CRIM1: variants seen among roughly 807,000 people sequenced by gnomAD.
The protein encoded by CRIM1 is cysteine rich transmembrane BMP regulator 1, also known as cysteine-rich motor neuron 1 protein.
In CRIM1, 32 loss-of-function variants were observed where a neutral mutation model predicts 116.4. The ratio of observed to expected loss-of-function variants is 0.27; its 90% CI spans 0.21 to 0.37. The LOEUF (loss-of-function observed/expected upper bound fraction) is 0.37. CRIM1 is among the 10% of genes least tolerant of loss of function. The probability of loss-of-function intolerance (pLI) is 1.00; values close to 1 mark genes in which losing one functional copy is unlikely to be tolerated. For synonymous variants in CRIM1, 590 were observed against 509.2 expected (o/e 1.16, Z -2.13); for missense variants, 1,331 against 1,354.8 (o/e 0.98, Z 0.28).
intron 14 of CRIM1, 58 bp downstream of exon 14, chr2:36,537,604 C>T (rs1423161598): frequency 4.0e-6 from 6 of 1,488,844 alleles, no homozygotes; most frequent in East Asian, 4.9e-5. Flanking sequence ...AAGATGAAAT[C>T]GAAGCAGAGC....
chr2:36,441,156 C>T (rs1675786174), intron 2 of CRIM1, 102 bp from the exon 3 acceptor site: 1 of 1,468,388 alleles, frequency 6.8e-7, no homozygotes, highest in East Asian at 2.3e-5. Flanking sequence ...TCCCTACCGT[C>T]CTCTTTGGCT....
chr2:36,371,143 T>C (rs1178046877), intron 1 of CRIM1, among the ~76,000 whole-genome samples: 2 of 152,160 alleles, frequency 1.3e-5, no homozygotes, highest in African/African-American at 4.8e-5. Flanking sequence ...GACGCCCCCA[T>C]AGTTGTCTTC....
At chr2:36,442,482 A>G (rs1675923311) in intron 3 of CRIM1, 133 bp from the exon 4 acceptor site, 2 of 977,640 alleles carry the variant, frequency 2.0e-6, no homozygotes, top group African/African-American at 1.6e-5. Context: ...CTGGAGTAAC[A>G]TGTCGACACT....
At chr2:36,357,596 A>T (rs1668940048) in intron 1 of CRIM1, among the ~76,000 whole-genome samples, 1 of 152,106 alleles carries the variant, frequency 6.6e-6, no homozygotes, top group African/African-American at 2.4e-5. Context: ...GTCTAGAGCG[A>T]GGCAGTGAGT....
At chr2:36,381,832 C>G (rs1670801092) in intron 1 of CRIM1, among the ~76,000 whole-genome samples, 1 of 152,214 alleles carries the variant, frequency 6.6e-6, no homozygotes, top group Non-Finnish European at 1.5e-5. Flanking sequence ...AAAGCACACC[C>G]CATTTGGATA....
At chr2:36,544,903 G>A (rs150117596) in intron 15 of CRIM1, among the ~76,000 whole-genome samples, 4 of 152,096 alleles carry the variant, frequency 2.6e-5, no homozygotes, top group African/African-American at 7.2e-5. Flanking sequence ...TTGTACATTA[G>A]GTTACCCTCT....
chr2:36,424,935 C>G (rs908149055), intron 2 of CRIM1, among the ~76,000 whole-genome samples: 1 of 152,210 alleles, frequency 6.6e-6, no homozygotes, highest in African/African-American at 2.4e-5. Context: ...TTCCTCTATT[C>G]TCTCTTCTTG....
At position 36,464,635 on chromosome 2, in the gene CRIM1, A is replaced by C. The variant is rs1426412431; in HGVS notation, c.971A>C (p.Asp324Ala). Residue 324 changes from aspartate to alanine, a missense_variant, in exon 5 of 17, where the codon GAT (aspartate) becomes GCT (alanine). Asp to Ala is a moderately radical substitution (Grantham distance 126, BLOSUM62 -2). Around this residue, in one of 3 missense-constraint regions of CRIM1, gnomAD observed 690 missense variants for 676.0 expected, o/e 1.02. Transcript: ENST00000280527. ...RGDGTPGKCC[D>A]VFECVNDTKP... The stretch of plus-strand genomic sequence containing the variant: ...GATGGGACACCTGGAAAGTGCTGTG[A>C]TGTCTTTGAATGTGTTAATGGTACG... 6.2e-7 allele frequency: 1 copy of C among 1,614,056 alleles called. No homozygotes were observed. Among genetic ancestry groups the C allele is most frequent in the Admixed American group, 1.7e-5 (1 of 60,016 alleles).
In CRIM1 at chr2:36,461,002, G is replaced by A. The variant is rs549316278; in HGVS notation, c.870-3532G>A. Among the ~76,000 whole-genome samples the A allele has an allele frequency of 2.6e-5, 4 of 152,322 alleles. No homozygotes were observed. In the East Asian group the frequency reaches 5.8e-4, roughly 22 times the overall value. ...ATTTGGAGAAAAGAGCATGACCGTA[G>A]CAATGGAAAATGAAGGGAAATACTG... On this transcript the variant is annotated intron_variant, in intron 4 of 16. Coordinates refer to ENST00000280527, the MANE Select transcript of CRIM1 (RefSeq NM_016441.3).
intron 8 of CRIM1, among the ~76,000 whole-genome samples, chr2:36,500,848 C>T (rs918851270): frequency 6.6e-6 from 1 of 152,098 alleles, no homozygotes; most frequent in African/African-American, 2.4e-5. Flanking sequence ...ACACTTCGCC[C>T]GTATCTTGTC....
At chr2:36,375,758 G>A (rs183841845) in intron 1 of CRIM1, among the ~76,000 whole-genome samples, 2 of 152,224 alleles carry the variant, frequency 1.3e-5, no homozygotes, top group East Asian at 3.9e-4. Flanking sequence ...ATACTTTTTG[G>A]ACCAACATAT....
chr2:36,443,446 G>C (rs148120036), intron 4 of CRIM1, among the ~76,000 whole-genome samples: 1 of 152,140 alleles, frequency 6.6e-6, no homozygotes. Flanking sequence ...TTTACAGTCT[G>C]TTTTCCCCCG....
At chr2:36,498,149 G>T (rs978418022) in intron 7 of CRIM1, among the ~76,000 whole-genome samples, 8 of 152,198 alleles carry the variant, frequency 5.3e-5, no homozygotes, top group Admixed American at 2.0e-4. Flanking sequence ...AAAAGATGTT[G>T]CATAAGTATG....
chr2:36,483,863 C>T (rs932182989), intron 7 of CRIM1, among the ~76,000 whole-genome samples: 9 of 152,120 alleles, frequency 5.9e-5, no homozygotes, highest in Non-Finnish European at 1.2e-4. Flanking sequence ...TTAACCAGAG[C>T]GTCAAAAGCT....
chr2:36,412,134 G>A (rs1453548773), intron 2 of CRIM1, among the ~76,000 whole-genome samples: 19 of 152,124 alleles, frequency 1.2e-4, no homozygotes, highest in Admixed American at 1.2e-3. Flanking sequence ...GAGCTGCTAC[G>A]GGTCATGATT....
chr2:36,477,138 G>A (rs1305308977), intron 6 of CRIM1, 67 bp downstream of exon 6: 28 of 1,289,618 alleles, frequency 2.2e-5, no homozygotes, highest in African/African-American at 6.1e-5. Flanking sequence ...AATCAAAATC[G>A]TCCTAATTCA....
At chr2:36,462,227 T>A (rs1677636075) in intron 4 of CRIM1, among the ~76,000 whole-genome samples, 1 of 152,158 alleles carries the variant, frequency 6.6e-6, no homozygotes, top group South Asian at 2.1e-4. Context: ...ATAGGAATAT[T>A]TAAATGTTAG....
intron 2 of CRIM1, among the ~76,000 whole-genome samples, chr2:36,400,663 AAG>A (rs1157384385): frequency 1.3e-5 from 2 of 152,184 alleles, no homozygotes; most frequent in Non-Finnish European, 2.9e-5. Context: ...TCAAGGGAAA[AAG>A]AGTAATCAGG....
At chr2:36,454,063 T>C (rs1676937744) in intron 4 of CRIM1, among the ~76,000 whole-genome samples, 1 of 152,098 alleles carries the variant, frequency 6.6e-6, no homozygotes, top group South Asian at 2.1e-4. Context: ...TTTTGTTACT[T>C]TCCTGTTTCT....
Sources: gnomAD v4.1 joint callset for allele counts (sites outside exome capture counted in the v4.1 genomes callset) on GRCh38, gnomAD v4.1.1 for gene constraint, gnomAD v4.1.1 regional missense constraint, MANE v1.5 for transcripts, NCBI Gene and HGNC (gene_info 2026-07-23, HGNC 2026-07-21) for gene names.